Variants in PRTFDC1 observed in about 807,000 individuals in gnomAD.
The protein encoded by PRTFDC1 is phosphoribosyl transferase domain containing 1.
PRTFDC1 carries 38 observed loss-of-function variants against 34.6 expected under a neutral mutation model. The ratio of observed to expected loss-of-function variants is 1.10; its 90% confidence interval spans 0.85 to 1.44. PRTFDC1 has a LOEUF of 1.44. Ranked by LOEUF, PRTFDC1 falls within the 40% of genes most tolerant of loss-of-function variation. PRTFDC1 has a pLI of 0.00. For missense variants in PRTFDC1, 270 were observed against 283.0 expected, an observed-to-expected ratio of 0.95 and a Z score of 0.33; for synonymous variants, 93 against 98.1, an observed-to-expected ratio of 0.95 and a Z score of 0.31.
intron 3 of PRTFDC1, among the ~76,000 whole-genome samples, chr10:24,885,136 A>C (rs1848144366): frequency 6.6e-6 from 1 of 152,230 alleles, no homozygotes. Flanking sequence ...CAAAGCTATC[A>C]AGTTTCAAAA....
intron 3 of PRTFDC1, among the ~76,000 whole-genome samples, chr10:24,929,314 G>T (rs10828725): frequency 0.26 from 39,684 of 152,074 alleles, 5,972 homozygotes; most frequent in Non-Finnish European, 0.35. Context: ...AAGGGAGCAG[G>T]TTTGTGGCTA....
chr10:24,939,818 AAAAG>A (rs1212679574), intron 2 of PRTFDC1, among the ~76,000 whole-genome samples: 16 of 151,444 alleles, frequency 1.1e-4, no homozygotes, highest in East Asian at 3.9e-4. Flanking sequence ...AAAAAAAAGA[AAAAG>A]AAACTCACTT....
chr10:24,945,558 G>A (rs753659363), intron 1 of PRTFDC1, among the ~76,000 whole-genome samples: 1 of 152,154 alleles, frequency 6.6e-6, no homozygotes, highest in Non-Finnish European at 1.5e-5. Context: ...AGGCTCAAGC[G>A]ATCCTCCCAC....
chr10:24,909,966 C>A (rs183734425), intron 3 of PRTFDC1, among the ~76,000 whole-genome samples: 1 of 147,916 alleles, frequency 6.8e-6, no homozygotes, highest in Admixed American at 6.8e-5. Context: ...GCCTGGCCAA[C>A]GTGAGGAAAC....
intron 3 of PRTFDC1, among the ~76,000 whole-genome samples, chr10:24,934,256 GAA>G (rs1849016378): frequency 1.3e-5 from 2 of 149,242 alleles, no homozygotes; most frequent in Non-Finnish European, 2.9e-5. Flanking sequence ...AGGAGAAGAA[GAA>G]GAAGAAGAAG....
rs1299734902 is a variant in PRTFDC1 at position 24,946,189 on chromosome 10, C to T, written c.49-3753G>A. 2.0e-5 allele frequency among the ~76,000 whole-genome samples: 3 copies of T among 152,180 alleles called. No homozygotes were observed. The South Asian group carries it at 6.2e-4, about 32-fold the overall frequency. Reference sequence around the variant, plus strand: ...CGTTCTGGTTGAATCTTGGAGCATACTCTCCACTCCATGTTCAAGAGTTTG... The same window carrying T: ...CGTTCTGGTTGAATCTTGGAGCATATTCTCCACTCCATGTTCAAGAGTTTG... On this transcript the variant is annotated intron_variant, in intron 1 of 8. Coordinates refer to ENST00000320152, the MANE Select transcript of PRTFDC1 (RefSeq NM_020200.7).
At chr10:24,940,869 A>C (rs1370260624) in intron 2 of PRTFDC1, among the ~76,000 whole-genome samples, 1 of 152,234 alleles carries the variant, frequency 6.6e-6, no homozygotes, top group Non-Finnish European at 1.5e-5. Context: ...TTATAGAAAA[A>C]GATGCTGGAA....
intron 3 of PRTFDC1, among the ~76,000 whole-genome samples, chr10:24,929,297 T>G (rs186211636): frequency 1.8e-4 from 28 of 152,274 alleles, no homozygotes; most frequent in Admixed American, 1.2e-3. Flanking sequence ...AGCGTTTCTC[T>G]TCCCTCAAGG....
intron 3 of PRTFDC1, among the ~76,000 whole-genome samples, chr10:24,906,912 C>T (rs934777631): frequency 6.6e-6 from 1 of 152,194 alleles, no homozygotes; most frequent in Non-Finnish European, 1.5e-5. Flanking sequence ...ATTGGCTTTA[C>T]TGTTAGTTCG....
At chr10:24,900,558 A>G (rs892339432) in intron 3 of PRTFDC1, among the ~76,000 whole-genome samples, 4 of 152,238 alleles carry the variant, frequency 2.6e-5, no homozygotes, top group African/African-American at 9.6e-5. Flanking sequence ...GAATGTGTGG[A>G]ATAATTTTGT....
intron 3 of PRTFDC1, among the ~76,000 whole-genome samples, chr10:24,914,778 T>G (rs1309122851): frequency 6.6e-6 from 1 of 152,162 alleles, no homozygotes; most frequent in Non-Finnish European, 1.5e-5. Context: ...TCTGACTAGG[T>G]TCATGTCAAC....
At chr10:24,890,614 C>T (rs1334241095) in intron 3 of PRTFDC1, among the ~76,000 whole-genome samples, 1 of 152,188 alleles carries the variant, frequency 6.6e-6, no homozygotes, top group Non-Finnish European at 1.5e-5. Context: ...TTGACTGAGT[C>T]AGGGTGGCAG....
At chr10:24,941,271 G>T (rs1849153263) in intron 2 of PRTFDC1, among the ~76,000 whole-genome samples, 1 of 151,786 alleles carries the variant, frequency 6.6e-6, no homozygotes, top group South Asian at 2.1e-4. Flanking sequence ...GCCCAGGCTG[G>T]TCTCAAACTC....
chr10:24,948,136 G>A (rs977080584), intron 1 of PRTFDC1, among the ~76,000 whole-genome samples: 5 of 126,364 alleles, frequency 4.0e-5, no homozygotes, highest in South Asian at 2.9e-4. Context: ...TGATACTGCC[G>A]TATTTTCATG....
intron 4 of PRTFDC1, among the ~76,000 whole-genome samples, chr10:24,859,862 T>C (rs1847647280): frequency 6.6e-6 from 1 of 152,216 alleles, no homozygotes; most frequent in African/African-American, 2.4e-5. Context: ...TGCTCAATAA[T>C]TATTTGTTGA....
At chr10:24,940,992 C>T (rs1484632861) in intron 2 of PRTFDC1, among the ~76,000 whole-genome samples, 1 of 151,922 alleles carries the variant, frequency 6.6e-6, no homozygotes, top group East Asian at 1.9e-4. Flanking sequence ...TTTAGTTGTT[C>T]ACCTGCAATG....
chr10:24,945,697 T>A (rs772650344), intron 1 of PRTFDC1, among the ~76,000 whole-genome samples: 53 of 152,310 alleles, frequency 3.5e-4, no homozygotes, highest in Admixed American at 1.3e-3. Context: ...CCTGAAGGGA[T>A]CCTCCCACCT....
chr10:24,871,521 A>G (rs1047275811), intron 4 of PRTFDC1, among the ~76,000 whole-genome samples: 7 of 152,122 alleles, frequency 4.6e-5, no homozygotes, highest in Admixed American at 2.0e-4. Flanking sequence ...TTTTTAATAG[A>G]AAAAAAGGCA....
At chr10:24,941,344 T>C (rs1849154584) in intron 2 of PRTFDC1, among the ~76,000 whole-genome samples, 1 of 151,686 alleles carries the variant, frequency 6.6e-6, no homozygotes, top group Non-Finnish European at 1.5e-5. Flanking sequence ...AACGAGCCAC[T>C]GTACCCAGCC....
Sources: gnomAD v4.1 joint callset for allele counts (sites outside exome capture counted in the v4.1 genomes callset) on GRCh38, gnomAD v4.1.1 for gene constraint, MANE v1.5 for transcripts, NCBI Gene and HGNC (gene_info 2026-07-23, HGNC 2026-07-21) for gene names.